Variants in ADCY3 observed in about 807,000 individuals in gnomAD.
ADCY3 encodes adenylate cyclase type 3.
Under a neutral mutation model 119.4 loss-of-function variants are expected in ADCY3, and 70 were observed. The ratio of observed to expected loss-of-function variants is 0.59; its 90% CI spans 0.48 to 0.72. The LOEUF (loss-of-function observed/expected upper bound fraction) is 0.72, where lower values mean the gene tolerates loss of function less well. ADCY3 is among the 30% of genes least tolerant of loss of function. The pLI, the probability that ADCY3 is intolerant of heterozygous loss-of-function variation, is 0.00. For missense variants in ADCY3, 1,238 were observed against 1,541.6 expected, an observed-to-expected ratio of 0.80 and a Z score of 3.30; for synonymous variants, 672 against 621.4, an observed-to-expected ratio of 1.08 and a Z score of -1.21.
rs201922841 is a variant in ADCY3 at position 24,918,581 on chromosome 2, C to T, written c.407G>A (p.Arg136His). Residue 136 changes from arginine to histidine, a missense_variant, in exon 2 of 22, where the codon CGC becomes CAC. Arg to His is a conservative substitution (Grantham distance 29). Transcript: ENST00000679454. This position sits in a 1 kb window ranked among gnomAD's most constrained non-coding sequence, Gnocchi z 5.4. ...CCACAGCACGTAGGGCAGCACTCTG[C>T]GGGTGACCCGGTCCGGGAGCAGCCC... ...KKGLLPDRVT[R>H]RVLPYVLWLL... The T allele has an allele frequency of 1.0e-4, 165 of 1,614,124 alleles. No homozygotes were observed. Among genetic ancestry groups the T allele is most frequent in the Non-Finnish European group, 1.3e-4 (157 of 1,180,030 alleles).
Position 24,918,299 on chromosome 2 carries a change from T to G in ADCY3, c.675+14A>C. The G allele has an allele frequency of 1.3e-6, 2 of 1,534,140 alleles. No homozygotes were observed. The highest frequency in any genetic ancestry group is 2.6e-5 in the South Asian group (2 of 78,392). The stretch of plus-strand genomic sequence containing the variant: ...AGGAGAGGACGCTGTGGGGGGACAG[T>G]GGGCAGGACTCACCTCCCGCAGCAG... On this transcript the variant is annotated intron_variant, in intron 2 of 21. Transcript: ENST00000679454. This position sits in a 1 kb window ranked among gnomAD's most constrained non-coding sequence, Gnocchi z 5.4.
rs1418352792 is a variant in ADCY3 at position 24,918,980 on chromosome 2, C to T, written c.8G>A (p.Arg3Lys). ...TTCGGGCTCGGAGAAGCCCTGGTTC[C>T]TCGGCATACTGGCTGGTGTCTGCTA... Reference protein sequence around the residue: MPRNQGFSEPEYS... With the variant: MPKNQGFSEPEYS... The change falls in exon 2 of 22, where the codon AGG becomes AAG. Residue 3 changes from arginine to lysine, a missense_variant. Arg to Lys is a conservative substitution (Grantham distance 26). Coordinates refer to ENST00000679454, the MANE Select transcript of ADCY3 (RefSeq NM_004036.5). This position sits in a 1 kb window ranked among gnomAD's most constrained non-coding sequence, Gnocchi z 5.4. The T allele has an allele frequency of 6.4e-7, 1 of 1,571,172 alleles. No homozygotes were observed. The highest frequency in any genetic ancestry group is 2.3e-5 in the East Asian group (1 of 42,574).
At chr2:24,897,101 T>C (rs557486080) in intron 2 of ADCY3, among the ~76,000 whole-genome samples, 2 of 152,234 alleles carry the variant, frequency 1.3e-5, no homozygotes, top group African/African-American at 4.8e-5. Context: ...GACATCATGG[T>C]AGATCAGAGG....
At chr2:24,821,076 C>T (rs895749670) in intron 20 of ADCY3, 8 of 581,554 alleles carry the variant, frequency 1.4e-5, no homozygotes, top group Admixed American at 3.3e-5. Context: ...ATTTACTCGG[C>T]ATGGTAGTGG....
In ADCY3 at chr2:24,872,712, G is replaced by A. The variant is rs775483892; in HGVS notation, c.683C>T (p.Ala228Val). ...KGMQLLREIL[A>V]NVFLYLCAIA... is the part of the protein sequence containing the mutation. ...GGCGCACAGGTAGAGGAAGACGTTGGCCAGGATCTGCACCCCAAGGAAGAA... is the reference window on the plus strand; with the variant it reads ...GGCGCACAGGTAGAGGAAGACGTTGACCAGGATCTGCACCCCAAGGAAGAA... The change falls in exon 3 of 22, where the codon GCC becomes GTC. Residue 228 changes from alanine (A) to valine (V), a missense_variant. By Grantham distance (64) the Ala-to-Val change is moderately conservative. This residue lies in a region of ADCY3 where 283 missense variants were observed against 437.2 expected (regional missense o/e 0.65). Transcript: ENST00000679454. This position sits in a 1 kb window ranked among gnomAD's most constrained non-coding sequence, Gnocchi z 4.4. The A allele has an allele frequency of 4.3e-6, 7 of 1,613,754 alleles. No individual in the cohort carries two copies. The highest frequency in any genetic ancestry group is 5.9e-6 in the Non-Finnish European group (7 of 1,179,850).
intron 2 of ADCY3, among the ~76,000 whole-genome samples, chr2:24,908,186 G>A (rs763351477): frequency 1.3e-5 from 2 of 152,022 alleles, no homozygotes; most frequent in Non-Finnish European, 2.9e-5. Flanking sequence ...GCTGGGCATG[G>A]TGGCGCATGC....
At chr2:24,828,262 C>T (rs541532773) in intron 13 of ADCY3, 101 bp from the exon 14 acceptor site, 88 of 1,404,638 alleles carry the variant, frequency 6.3e-5, no homozygotes, top group Middle Eastern at 2.6e-4. Flanking sequence ...TGCCACCTCC[C>T]GCGGCTCCCC....
At chr2:24,892,982 G>A (rs968860509) in intron 2 of ADCY3, among the ~76,000 whole-genome samples, 2 of 151,518 alleles carry the variant, frequency 1.3e-5, no homozygotes. Context: ...TTTTAATTAG[G>A]GTTTGCACAA....
At chr2:24,876,759 G>A (rs1368539095) in intron 2 of ADCY3, among the ~76,000 whole-genome samples, 3 of 152,136 alleles carry the variant, frequency 2.0e-5, no homozygotes, top group African/African-American at 7.2e-5. Context: ...AAGAACTGAA[G>A]ACCCAGGAAA....
In ADCY3 at chr2:24,898,214, G is replaced by C. The variant is rs1471641582; in HGVS notation, c.675+20099C>G. On this transcript the variant is annotated intron_variant, in intron 2 of 21. Transcript: ENST00000679454. The surrounding 1 kb of genome is among the most constrained non-coding windows in gnomAD (Gnocchi z 4.3). Reference sequence around the variant, plus strand: ...AATCCAACGTGCCCTTCACGGCCCAGCTCAGTACTCCTCCTCCTGAGGGGC... The same window carrying C: ...AATCCAACGTGCCCTTCACGGCCCACCTCAGTACTCCTCCTCCTGAGGGGC... Among the ~76,000 whole-genome samples, 1 of 152,078 alleles carries C rather than the reference G, an allele frequency of 6.6e-6. No homozygotes were observed. Among genetic ancestry groups the C allele is most frequent in the Non-Finnish European group, 1.5e-5 (1 of 68,010 alleles).
intron 3 of ADCY3, among the ~76,000 whole-genome samples, chr2:24,857,876 G>C (rs1457793258): frequency 6.6e-6 from 1 of 151,788 alleles, no homozygotes; most frequent in Non-Finnish European, 1.5e-5. Flanking sequence ...GCCCTTCCCA[G>C]CTCCTGACAT....
chr2:24,873,236 G>A (rs962137507), intron 2 of ADCY3, among the ~76,000 whole-genome samples: 1 of 152,240 alleles, frequency 6.6e-6, no homozygotes, highest in African/African-American at 2.4e-5. Context: ...CAGGACCCCT[G>A]AAGAGGTCTC....
intron 2 of ADCY3, among the ~76,000 whole-genome samples, chr2:24,875,729 C>G (rs908365204): frequency 1.3e-5 from 2 of 152,218 alleles, no homozygotes. Context: ...AACATTAAGT[C>G]CTAGACACAA....
At position 24,834,394 on chromosome 2, in the gene ADCY3, G is replaced by C; in HGVS notation, c.1967+91C>G. 1.3e-5 allele frequency: 15 copies of C among 1,135,528 alleles called. No homozygotes were observed. The highest frequency in any genetic ancestry group is 1.6e-5 in the Non-Finnish European group (13 of 801,892). The allele number at this position is 1,135,528 out of a possible 1,614,324, so 70.3% of individuals were successfully genotyped here. A position where few individuals can be genotyped will look rare whatever the true frequency, so the allele number is the denominator to read the frequency against. On this transcript the variant is annotated intron_variant, in intron 11 of 21. Coordinates refer to ENST00000679454, the MANE Select transcript of ADCY3 (RefSeq NM_004036.5). This position sits in a 1 kb window ranked among gnomAD's most constrained non-coding sequence, Gnocchi z 4.2. ...AGCAGAGACTGGCTTGCTCCCCAAT[G>C]TCAGGCTCCCGCTGAGACACCTGCC...
chr2:24,829,728 G>A (rs1234496695), intron 13 of ADCY3, among the ~76,000 whole-genome samples: 1 of 144,932 alleles, frequency 6.9e-6, no homozygotes, highest in Non-Finnish European at 1.5e-5. Flanking sequence ...GGCACCGTGT[G>A]CTCCAATTGT....
intron 8 of ADCY3, 139 bp downstream of exon 8, chr2:24,838,306 G>A: frequency 1.2e-6 from 1 of 851,720 alleles, no homozygotes; most frequent in Non-Finnish European, 1.8e-6. Flanking sequence ...AAGGGTGCCA[G>A]CCTGCCACTC....
Position 24,821,599 on chromosome 2 carries a change from G to A in ADCY3, c.3045C>T (p.Asp1015=). 1 of 1,614,180 alleles carries A rather than the reference G, an allele frequency of 6.2e-7. No homozygotes were observed. Among genetic ancestry groups the A allele is most frequent in the Non-Finnish European group, 8.5e-7 (1 of 1,180,024 alleles). The part of the protein sequence containing the change: ...SERERWQHLA[D]LADFALAMKD... ...TCATGGCCAGCGCGAAGTCGGCCAG[G>A]TCAGCCAGGTGCTGCCAGCGCTCTC... The change falls in exon 20 of 22, where the codon GAC becomes GAT. Residue 1015 remains aspartate (D), a synonymous_variant. Coordinates refer to ENST00000679454, the MANE Select transcript of ADCY3 (RefSeq NM_004036.5).
intron 2 of ADCY3, among the ~76,000 whole-genome samples, chr2:24,916,898 A>C (rs886581515): frequency 7.5e-6 from 1 of 134,096 alleles, no homozygotes; most frequent in Non-Finnish European, 1.6e-5. Context: ...TACACAAATG[A>C]GCCCTGGGCT....
At chr2:24,882,242 T>C (rs1384001336) in intron 2 of ADCY3, among the ~76,000 whole-genome samples, 1 of 151,684 alleles carries the variant, frequency 6.6e-6, no homozygotes, top group Non-Finnish European at 1.5e-5. Flanking sequence ...GAGAAGGCCA[T>C]CTGGTCAACC....
Sources: gnomAD v4.1 joint callset for allele counts (sites outside exome capture counted in the v4.1 genomes callset) on GRCh38, gnomAD v4.1.1 for gene constraint, gnomAD v4.1.1 regional missense constraint, Gnocchi (gnomAD v3.1) non-coding constraint, MANE v1.5 for transcripts, NCBI Gene and HGNC (gene_info 2026-07-23, HGNC 2026-07-21) for gene names.